MBTPS1: variants seen among roughly 807,000 people sequenced by gnomAD.
MBTPS1 encodes the protein membrane-bound transcription factor site-1 protease.
In MBTPS1, 94 loss-of-function variants were observed where a neutral mutation model predicts 127.8. The observed-to-expected ratio is 0.74, with a 90% CI of 0.62 to 0.87. MBTPS1 has a LOEUF of 0.87. Among genes scored for constraint, MBTPS1 ranks in the 40% least tolerant of loss-of-function variants. The probability of loss-of-function intolerance (pLI) is 0.00; values close to 1 mark genes in which losing one functional copy is unlikely to be tolerated. For synonymous variants in MBTPS1, 632 were observed against 509.4 expected (o/e 1.24, Z -3.24); for missense variants, 1,636 against 1,353.2 (o/e 1.21, Z -3.28).
Position 84,067,785 on chromosome 16 carries a change from G to A in MBTPS1, c.2110C>T (p.Pro704Ser). 1 of 1,613,872 alleles carries A rather than the reference G, an allele frequency of 6.2e-7. No individual in the cohort carries two copies. Residue 704 changes from proline (P) to serine (S), a missense_variant, in exon 16 of 23, where the codon CCT (proline) becomes TCT (serine). Physicochemically the swap from Pro to Ser is moderately conservative, Grantham distance 74. Coordinates refer to ENST00000343411, the MANE Select transcript of MBTPS1 (RefSeq NM_003791.4). ...CTCCGGAGCTTGGCGATCTCTTCAG[G>A]GAAGTACTCCTCCTCACTGTCCACC... is the stretch of plus-strand genomic sequence containing the variant. The part of the protein sequence containing the change: ...LMVDSEEEYF[P>S]EEIAKLRRDV...
chr16:84,091,946 T>C, intron 6 of MBTPS1, 98 bp from the exon 7 acceptor site: 1 of 733,562 alleles, frequency 1.4e-6, no homozygotes. Context: ...TTACAAGTAG[T>C]TCTCTTAATT....
In MBTPS1 at chr16:84,070,050, G is replaced by T; in HGVS notation, c.1783-12C>A. 6.4e-7 allele frequency: 1 copy of T among 1,552,166 alleles called. No individual in the cohort carries two copies. The highest frequency in any genetic ancestry group is 8.7e-7 in the Non-Finnish European group (1 of 1,156,050). On this transcript the variant is annotated splice_polypyrimidine_tract_variant and intron_variant, in intron 13 of 22. Transcript: ENST00000343411. ...GCACCATTTTTTGACTAAAAAAAAA[G>T]AAAAGAAACTTGAAACGCCCTCATT...
intron 14 of MBTPS1, among the ~76,000 whole-genome samples, chr16:84,069,200 G>T (rs17725839): frequency 0.18 from 26,937 of 152,122 alleles, 2,633 homozygotes; most frequent in Non-Finnish European, 0.23. Context: ...GAGTTCAAAC[G>T]TAGTCCAAAC....
chr16:84,070,936 C>T (rs978943168), intron 12 of MBTPS1, among the ~76,000 whole-genome samples, 160 bp from the exon 13 acceptor site: 1 of 152,190 alleles, frequency 6.6e-6, no homozygotes. Context: ...TAACTACAAC[C>T]AAAGTAGCCT....
chr16:84,056,922 G>A (rs750386105), intron 21 of MBTPS1: 1 of 152,222 alleles, frequency 6.6e-6, no homozygotes, highest in Non-Finnish European at 1.5e-5. Flanking sequence ...GAGCGCGATG[G>A]GAAAAACACT....
chr16:84,073,833 T>C (rs2085810341), intron 12 of MBTPS1, among the ~76,000 whole-genome samples: 1 of 152,052 alleles, frequency 6.6e-6, no homozygotes, highest in African/African-American at 2.4e-5. Flanking sequence ...GGTGAAACCC[T>C]GTCTCCACTA....
chr16:84,113,089 G>A (rs2086421801), intron 1 of MBTPS1, among the ~76,000 whole-genome samples: 2 of 151,936 alleles, frequency 1.3e-5, no homozygotes, highest in African/African-American at 4.8e-5. Flanking sequence ...AGCTTAAAAG[G>A]GATCTATCTC....
At chr16:84,060,058 C>T (rs2151140890) in intron 20 of MBTPS1, 1 of 152,868 alleles carries the variant, frequency 6.5e-6, no homozygotes, top group Admixed American at 6.5e-5. Flanking sequence ...ACGGGCAGCG[C>T]TGTAAGGACC....
chr16:84,057,216 C>G (rs1351219261), intron 21 of MBTPS1: 1 of 152,242 alleles, frequency 6.6e-6, no homozygotes, highest in Non-Finnish European at 1.5e-5. Context: ...TCATTATAAC[C>G]CGCCCTATTT....
chr16:84,100,771 A>T (rs2086242968), intron 2 of MBTPS1, among the ~76,000 whole-genome samples: 1 of 151,984 alleles, frequency 6.6e-6, no homozygotes, highest in African/African-American at 2.4e-5. Context: ...ATTCATGTCA[A>T]TTTCCTTTTA....
chr16:84,063,977 G>A (rs995324448), intron 18 of MBTPS1, among the ~76,000 whole-genome samples: 5 of 152,186 alleles, frequency 3.3e-5, no homozygotes, highest in South Asian at 2.1e-4. Flanking sequence ...TTAAGACATC[G>A]GTTACATTAA....
At position 84,094,228 on chromosome 16, in the gene MBTPS1, A is replaced by G. The variant is rs78155954; in HGVS notation, c.626-407T>C. Among the ~76,000 whole-genome samples the G allele has an allele frequency of 1.6e-3, 249 of 152,190 alleles. 7 individuals carry two copies. The East Asian group carries it at 0.042, about 26-fold the overall frequency. ...CCCCCACCTTCTCGGAGGCCCTGCA[A>G]AACACTCACAAACCACACACCCAAG... On this transcript the variant is annotated intron_variant, in intron 4 of 22. Transcript: ENST00000343411.
At chr16:84,093,355 G>T in intron 5 of MBTPS1, 58 bp from the exon 6 acceptor site, 4 of 1,161,372 alleles carry the variant, frequency 3.4e-6, no homozygotes, top group Non-Finnish European at 5.2e-6. Flanking sequence ...GTGCCAGGAC[G>T]CAACATTCCA....
Position 84,099,230 on chromosome 16 carries a change from C to T in MBTPS1, c.244G>A (p.Val82Ile). 1 of 1,614,104 alleles carries T rather than the reference C, an allele frequency of 6.2e-7. No homozygotes were observed. Among genetic ancestry groups the T allele is most frequent in the Non-Finnish European group, 8.5e-7 (1 of 1,179,962 alleles). The change falls in exon 3 of 23, where the codon GTA (valine) becomes ATA (isoleucine). Residue 82 changes from valine (V) to isoleucine (I), a missense_variant. Coordinates refer to ENST00000343411, the MANE Select transcript of MBTPS1 (RefSeq NM_003791.4). ...FISSALKSSE[V>I]DNWRIIPRNN... is the part of the protein sequence containing the mutation. ...CGAGGTATAATTCTCCAATTGTCTA[C>T]TTCACTGCTCTTCAGGGCACTTGAA...
intron 1 of MBTPS1, among the ~76,000 whole-genome samples, chr16:84,116,375 G>A (rs186731115): frequency 2.0e-4 from 31 of 152,360 alleles, no homozygotes; most frequent in Admixed American, 1.4e-3. Flanking sequence ...ATAAGGCAAA[G>A]AATCGACGTC....
In MBTPS1 at chr16:84,054,342, G is replaced by A; in HGVS notation, c.*107C>T. On this transcript the variant is annotated 3_prime_UTR_variant, in exon 23 of 23. Transcript: ENST00000343411. ...TAGAACAGACTCTAACAAACCTGCA[G>A]CTGGAAACTGGATCCCTTTTAAACC... 2 of 1,019,352 alleles carry A rather than the reference G, an allele frequency of 2.0e-6. No homozygotes were observed. Among genetic ancestry groups the A allele is most frequent in the Admixed American group, 6.0e-5 (2 of 33,156 alleles). 63.1% of individuals were successfully genotyped at this position (1,019,352 alleles called of 1,614,324 possible).
intron 11 of MBTPS1, among the ~76,000 whole-genome samples, chr16:84,079,714 G>T (rs1307731468): frequency 6.6e-6 from 1 of 152,158 alleles, no homozygotes; most frequent in African/African-American, 2.4e-5. Context: ...CTGTAAATAA[G>T]AAATAAATAA....
chr16:84,061,602 G>C (rs1479704404), intron 19 of MBTPS1: 4 of 152,398 alleles, frequency 2.6e-5, no homozygotes, highest in East Asian at 1.9e-4. Context: ...TGGAGGCAAG[G>C]CTCAACACCC....
intron 1 of MBTPS1, among the ~76,000 whole-genome samples, chr16:84,105,410 G>A (rs763494650): frequency 6.6e-6 from 1 of 152,138 alleles, no homozygotes; most frequent in Non-Finnish European, 1.5e-5. Flanking sequence ...GGAGAGGCAG[G>A]CATCCAGGCC....
Sources: gnomAD v4.1 joint callset for allele counts (sites outside exome capture counted in the v4.1 genomes callset) on GRCh38, gnomAD v4.1.1 for gene constraint, MANE v1.5 for transcripts, NCBI Gene and HGNC (gene_info 2026-07-23, HGNC 2026-07-21) for gene names.